PDGFD: variants seen among roughly 807,000 people sequenced by gnomAD.
PDGFD encodes the protein platelet-derived growth factor D.
PDGFD carries 30 observed loss-of-function variants against 44.7 expected under a neutral mutation model. The ratio of observed to expected loss-of-function variants is 0.67; its 90% CI spans 0.50 to 0.91. The LOEUF is 0.91. PDGFD is among the 40% of genes least tolerant of loss of function. The pLI, the probability that PDGFD is intolerant of heterozygous loss-of-function variation, is 0.00. For synonymous variants in PDGFD, 173 were observed against 168.4 expected (o/e 1.03, Z -0.21); for missense variants, 445 against 457.8 (o/e 0.97, Z 0.25).
At chr11:104,074,280 C>A (rs190351373) in intron 1 of PDGFD, among the ~76,000 whole-genome samples, 2 of 152,246 alleles carry the variant, frequency 1.3e-5, no homozygotes, top group Admixed American at 6.5e-5. Flanking sequence ...CATGAACTTG[C>A]GAGAACAGTA....
chr11:103,999,315 GA>G (rs77922352), intron 2 of PDGFD, among the ~76,000 whole-genome samples: 19,630 of 149,722 alleles, frequency 0.13, 1,388 homozygotes, highest in Middle Eastern at 0.17. Context: ...GTACAAAAAA[GA>G]AAAAAAAAAT....
At chr11:104,163,755 T>G in intron 1 of PDGFD, 49 bp downstream of exon 1, 2 of 1,495,046 alleles carry the variant, frequency 1.3e-6, no homozygotes, top group Non-Finnish European at 1.8e-6. Flanking sequence ...ACAATAACAA[T>G]AGCAAACATG....
At chr11:104,050,790 C>T (rs938122560) in intron 1 of PDGFD, among the ~76,000 whole-genome samples, 11 of 152,188 alleles carry the variant, frequency 7.2e-5, no homozygotes, top group East Asian at 3.9e-4. Flanking sequence ...GCACATACTC[C>T]TGTTGAGAAA....
chr11:104,073,921 A>G (rs1860915242), intron 1 of PDGFD, among the ~76,000 whole-genome samples: 1 of 152,232 alleles, frequency 6.6e-6, no homozygotes, highest in Non-Finnish European at 1.5e-5. Context: ...AGTACTTGGT[A>G]AAAACTGTCT....
In PDGFD at chr11:103,943,604, G is replaced by T; in HGVS notation, c.620C>A (p.Ala207Glu). ...SPSVTDPTLI[A>E]DALDKKIAEF... is the part of the protein sequence containing the mutation. ...TGCAATTTTTTTGTCCAGAGCATCC[G>T]CAATCAGAGTGGGATCCGTTACTGA... Residue 207 changes from alanine to glutamate, a missense_variant, in exon 5 of 7, where the codon GCG becomes GAG. Ala to Glu is a moderately radical substitution (Grantham distance 107). Transcript: ENST00000393158. 1.9e-6 allele frequency: 3 copies of T among 1,613,102 alleles called. No individual in the cohort carries two copies. Among genetic ancestry groups the T allele is most frequent in the Non-Finnish European group, 2.5e-6 (3 of 1,179,480 alleles).
intron 5 of PDGFD, among the ~76,000 whole-genome samples, chr11:103,931,728 A>G (rs1658758154): frequency 6.6e-6 from 1 of 152,130 alleles, no homozygotes. Context: ...CTGGGACTAC[A>G]GGTGTGTGCC....
chr11:104,138,187 A>G (rs1284200552), intron 1 of PDGFD, among the ~76,000 whole-genome samples: 4 of 152,236 alleles, frequency 2.6e-5, no homozygotes, highest in Non-Finnish European at 4.4e-5. Context: ...CAAAGGAATG[A>G]AATGATAAAT....
At chr11:104,124,640 C>A (rs1292491449) in intron 1 of PDGFD, among the ~76,000 whole-genome samples, 2 of 152,018 alleles carry the variant, frequency 1.3e-5, no homozygotes, top group Non-Finnish European at 2.9e-5. Context: ...TATGGTGAAG[C>A]AAAGTTTTGA....
rs1858196864 is a variant in PDGFD at position 103,920,432 on chromosome 11, T to A, written c.987+6480A>T. On this transcript the variant is annotated intron_variant, in intron 6 of 6. Coordinates refer to ENST00000393158, the MANE Select transcript of PDGFD (RefSeq NM_025208.5). ...ATGGAAAGCCTGGGTGGGCACTACA[T>A]TTCAGAGCATGGCATTAGCATTGGG... Among the ~76,000 whole-genome samples, 3 of 152,244 alleles carry A rather than the reference T, an allele frequency of 2.0e-5. No homozygotes were observed. In the South Asian group the frequency reaches 6.2e-4, roughly 31 times the overall value.
intron 3 of PDGFD, among the ~76,000 whole-genome samples, chr11:103,956,645 C>G (rs1423485883): frequency 2.0e-5 from 3 of 151,956 alleles, no homozygotes; most frequent in African/African-American, 7.3e-5. Context: ...ACACTGACTT[C>G]CACAATGGTT....
rs557109413 is a variant in PDGFD, at chr11:104,127,568, T to C, written c.124+36236A>G. Among the ~76,000 whole-genome samples, 91 of 152,292 alleles carry C rather than the reference T, an allele frequency of 6.0e-4. 1 individual carries two copies. The highest frequency in any genetic ancestry group is 2.0e-3 in the African/African-American group (85 of 41,578). On this transcript the variant is annotated intron_variant, in intron 1 of 6. Coordinates refer to ENST00000393158, the MANE Select transcript of PDGFD (RefSeq NM_025208.5). The stretch of plus-strand genomic sequence containing the variant: ...GCAGAGGTAACTGCAAAGAATAGCC[T>C]TTACCATCACATCCAGTCCTGATTC...
intron 1 of PDGFD, among the ~76,000 whole-genome samples, chr11:104,034,694 G>C (rs1351077982): frequency 6.6e-6 from 1 of 151,120 alleles, no homozygotes; most frequent in Non-Finnish European, 1.5e-5. Context: ...CCAGGCTGGA[G>C]TGCACTGGCG....
intron 5 of PDGFD, among the ~76,000 whole-genome samples, chr11:103,937,637 T>C (rs967499604): frequency 2.7e-4 from 41 of 152,040 alleles, no homozygotes; most frequent in African/African-American, 8.4e-4. Context: ...TGTGCCATGT[T>C]GGTGTGCTGC....
chr11:104,120,925 A>G (rs1345864236), intron 1 of PDGFD, among the ~76,000 whole-genome samples: 4 of 151,914 alleles, frequency 2.6e-5, no homozygotes, highest in African/African-American at 9.7e-5. Flanking sequence ...GTTCTCCTCC[A>G]CAGCTCAAAT....
intron 1 of PDGFD, among the ~76,000 whole-genome samples, chr11:104,016,398 C>T (rs953788839): frequency 6.6e-5 from 10 of 152,196 alleles, no homozygotes; most frequent in Non-Finnish European, 1.5e-4. Flanking sequence ...TTTAAGAAAG[C>T]GGAGCCTTTC....
chr11:104,045,772 A>G (rs1284625088), intron 1 of PDGFD, among the ~76,000 whole-genome samples: 1 of 147,118 alleles, frequency 6.8e-6, no homozygotes, highest in Non-Finnish European at 1.5e-5. Flanking sequence ...GGAGCTATTG[A>G]AGGTCAAGAC....
chr11:103,929,681 G>A (rs530375770), intron 5 of PDGFD, among the ~76,000 whole-genome samples: 4 of 152,308 alleles, frequency 2.6e-5, no homozygotes, highest in Non-Finnish European at 4.4e-5. Flanking sequence ...TGAAATCACC[G>A]AGGCACTCAA....
Position 103,995,057 on chromosome 11 carries a change from T to C in PDGFD, c.510+1008A>G, listed in dbSNP as rs555271558. On this transcript the variant is annotated intron_variant, in intron 3 of 6. Transcript: ENST00000393158. ...CTAAACCAAGCAAATTTTTAAATTT[T>C]TTTTGTAGAGATAGGGTCTTGCTTT... 3.9e-5 allele frequency among the ~76,000 whole-genome samples: 6 copies of C among 152,200 alleles called. No homozygotes were observed. In the South Asian group the frequency reaches 1.2e-3, roughly 32 times the overall value.
chr11:104,122,684 A>T (rs1378608799), intron 1 of PDGFD, among the ~76,000 whole-genome samples: 1 of 151,744 alleles, frequency 6.6e-6, no homozygotes, highest in African/African-American at 2.4e-5. Context: ...CCACTTCATT[A>T]TGTAATACTG....
Sources: gnomAD v4.1 joint callset for allele counts (sites outside exome capture counted in the v4.1 genomes callset) on GRCh38, gnomAD v4.1.1 for gene constraint, MANE v1.5 for transcripts, NCBI Gene and HGNC (gene_info 2026-07-23, HGNC 2026-07-21) for gene names.